CNOT6: variants seen among roughly 807,000 people sequenced by gnomAD.
CNOT6 encodes CCR4-NOT transcription complex subunit 6.
In CNOT6, 12 loss-of-function variants were observed where a neutral mutation model predicts 61.2. That is an observed-to-expected ratio of 0.20 (90% confidence interval 0.13 to 0.32). The LOEUF is 0.32. Ranked by LOEUF, CNOT6 falls within the 10% of genes least tolerant of loss-of-function variation. CNOT6 has a pLI of 1.00. For missense variants in CNOT6, 405 were observed against 663.9 expected, an observed-to-expected ratio of 0.61 and a Z score of 4.28; for synonymous variants, 225 against 240.6, an observed-to-expected ratio of 0.94 and a Z score of 0.60.
intron 9 of CNOT6, among the ~76,000 whole-genome samples, chr5:180,568,215 A>G (rs572650941): frequency 1.9e-4 from 25 of 134,924 alleles, no homozygotes; most frequent in Non-Finnish European, 3.5e-4. Context: ...GAAGCCTTGA[A>G]AAGCATTAAA....
intron 8 of CNOT6, 131 bp from the exon 9 acceptor site, chr5:180,567,718 G>A: frequency 8.2e-7 from 1 of 1,217,384 alleles, no homozygotes; most frequent in Non-Finnish European, 1.2e-6. Context: ...TGAACGTGGA[G>A]GATTTTCCGT....
At chr5:180,559,061 G>A (rs994545559) in intron 4 of CNOT6, among the ~76,000 whole-genome samples, 1 of 152,220 alleles carries the variant, frequency 6.6e-6, no homozygotes, top group Non-Finnish European at 1.5e-5. Flanking sequence ...CCTGGCATAT[G>A]TTTCTTGGGT....
chr5:180,517,310 G>A (rs780124), intron 1 of CNOT6, among the ~76,000 whole-genome samples: 37,977 of 151,834 alleles, frequency 0.25, 5,398 homozygotes, highest in East Asian at 0.49. Flanking sequence ...TGTATTTTTA[G>A]TACAGACTGG....
intron 2 of CNOT6, among the ~76,000 whole-genome samples, chr5:180,532,635 C>T (rs1019225354): frequency 1.3e-5 from 2 of 152,166 alleles, no homozygotes; most frequent in Non-Finnish European, 2.9e-5. Flanking sequence ...CAATTCAATT[C>T]CAACACTGTC....
chr5:180,509,512 C>T lies in CNOT6; in HGVS notation c.-3+14749C>T, dbSNP rs575263115. ...AGGCTAGAGTGCAATGGCGGATTCT[C>T]GTCTCATTGCAACCTCTGCCTCCGG... is the stretch of plus-strand genomic sequence containing the variant. On this transcript the variant is annotated intron_variant, in intron 1 of 11. Transcript: ENST00000261951. Among the ~76,000 whole-genome samples the T allele has an allele frequency of 1.1e-4, 16 of 151,820 alleles. No individual in the cohort carries two copies. In the South Asian group the frequency reaches 1.3e-3, roughly 12 times the overall value.
chr5:180,517,264 A>G (rs529998684), intron 1 of CNOT6, among the ~76,000 whole-genome samples: 2 of 152,058 alleles, frequency 1.3e-5, no homozygotes, highest in African/African-American at 2.4e-5. Flanking sequence ...CAGCCTCCCA[A>G]GTAGCTGGGA....
At position 180,574,954 on chromosome 5, in the gene CNOT6, C is replaced by T. The variant is rs1046752328; in HGVS notation, c.*754C>T. ...ACTTATTCATGAATTTTTATGAAAA[C>T]TATCTACTAGGACAGATAAGCTGAA... is the stretch of plus-strand genomic sequence containing the variant. On this transcript the variant is annotated 3_prime_UTR_variant, in exon 12 of 12. Coordinates refer to ENST00000261951, the MANE Select transcript of CNOT6 (RefSeq NM_001370472.1). The T allele has an allele frequency of 5.2e-5, 8 of 152,718 alleles. No homozygotes were observed. The highest frequency in any genetic ancestry group is 1.9e-4 in the African/African-American group (8 of 41,458). 9.5% of individuals were successfully genotyped at this position (152,718 alleles called of 1,614,324 possible). A position where few individuals can be genotyped will look rare whatever the true frequency, so the allele number is the denominator to read the frequency against.
intron 2 of CNOT6, among the ~76,000 whole-genome samples, chr5:180,543,967 C>A (rs556114391): frequency 6.6e-6 from 1 of 152,088 alleles, no homozygotes; most frequent in Non-Finnish European, 1.5e-5. Flanking sequence ...CCCGCCACCA[C>A]GCCTGGCTAA....
chr5:180,558,033 T>G (rs1759986680), intron 4 of CNOT6, among the ~76,000 whole-genome samples: 1 of 152,234 alleles, frequency 6.6e-6, no homozygotes, highest in South Asian at 2.1e-4. Flanking sequence ...TGAATCTGTT[T>G]CTGGATTTTT....
chr5:180,530,233 C>T (rs897850449), intron 2 of CNOT6, among the ~76,000 whole-genome samples: 1 of 152,222 alleles, frequency 6.6e-6, no homozygotes, highest in Admixed American at 6.5e-5. Flanking sequence ...AGCAGACATA[C>T]TGAGCATATG....
At chr5:180,550,557 T>A (rs1464323122) in intron 3 of CNOT6, among the ~76,000 whole-genome samples, 3 of 152,192 alleles carry the variant, frequency 2.0e-5, no homozygotes, top group African/African-American at 4.8e-5. Flanking sequence ...AACTTTATAG[T>A]TTTGTTTTTG....
chr5:180,561,741 A>G (rs1290602399), intron 4 of CNOT6, among the ~76,000 whole-genome samples: 1 of 152,042 alleles, frequency 6.6e-6, no homozygotes, highest in Non-Finnish European at 1.5e-5. Flanking sequence ...CTTCTGGTGG[A>G]GGTGGTAGTT....
intron 1 of CNOT6, among the ~76,000 whole-genome samples, chr5:180,523,860 CTT>C (rs1373044822): frequency 6.6e-6 from 1 of 152,128 alleles, no homozygotes; most frequent in Non-Finnish European, 1.5e-5. Context: ...CCTGGATAGT[CTT>C]TTCATGGTTT....
At chr5:180,555,427 C>T (rs866211633) in intron 4 of CNOT6, among the ~76,000 whole-genome samples, 22 of 152,262 alleles carry the variant, frequency 1.4e-4, no homozygotes, top group Admixed American at 1.2e-3. Flanking sequence ...ATTTCAGATG[C>T]TTTACTTTAT....
At chr5:180,513,342 A>G (rs1200597932) in intron 1 of CNOT6, among the ~76,000 whole-genome samples, 2 of 151,892 alleles carry the variant, frequency 1.3e-5, no homozygotes, top group African/African-American at 2.4e-5. Flanking sequence ...GGCGTGTGCC[A>G]CCACACCTGA....
intron 2 of CNOT6, among the ~76,000 whole-genome samples, chr5:180,538,182 G>T (rs1205608346): frequency 1.3e-5 from 2 of 151,122 alleles, no homozygotes; most frequent in Non-Finnish European, 3.0e-5. Context: ...GGGACTACAG[G>T]TGCCCGCCAC....
At chr5:180,512,362 G>A (rs568127880) in intron 1 of CNOT6, among the ~76,000 whole-genome samples, 49 of 152,274 alleles carry the variant, frequency 3.2e-4, no homozygotes, top group African/African-American at 6.7e-4. Flanking sequence ...AGAGTGGAGC[G>A]TATCTGAAGG....
intron 4 of CNOT6, among the ~76,000 whole-genome samples, chr5:180,555,340 G>A (rs1325983178): frequency 1.3e-5 from 2 of 152,158 alleles, no homozygotes; most frequent in African/African-American, 2.4e-5. Flanking sequence ...GTACAGGAAA[G>A]CCTCTAAGTG....
At chr5:180,567,273 T>G in intron 8 of CNOT6, 31 bp downstream of exon 8, 1 of 1,584,606 alleles carries the variant, frequency 6.3e-7, no homozygotes, top group South Asian at 1.2e-5. Flanking sequence ...AAAAGAACGT[T>G]TTCTCAGTAT....
Sources: gnomAD v4.1 joint callset for allele counts (sites outside exome capture counted in the v4.1 genomes callset) on GRCh38, gnomAD v4.1.1 for gene constraint, MANE v1.5 for transcripts, NCBI Gene and HGNC (gene_info 2026-07-23, HGNC 2026-07-21) for gene names.